Variants in DACH2 observed in about 807,000 individuals in gnomAD.
DACH2 encodes the protein dachshund family transcription factor 2, also known as dachshund homolog 2.
Under a neutral mutation model 35.8 loss-of-function variants are expected in DACH2, and 17 were observed. The observed-to-expected ratio is 0.48, with a 90% CI of 0.33 to 0.71. DACH2 has a LOEUF of 0.71. Among genes scored for constraint, DACH2 ranks in the 30% least tolerant of loss-of-function variants. The pLI is 0.02. For missense variants in DACH2, 469 were observed against 472.7 expected, an observed-to-expected ratio of 0.99 and a Z score of 0.07; for synonymous variants, 195 against 177.3, an observed-to-expected ratio of 1.10 and a Z score of -0.79.
chrX:86,785,951 C>G (rs1003214541), intron 7 of DACH2, among the ~76,000 whole-genome samples: 5 of 111,444 alleles, frequency 4.5e-5, no homozygotes, highest in Non-Finnish European at 7.5e-5. Flanking sequence ...TTGATGATTC[C>G]TATCTCAGAA....
At chrX:86,706,940 TA>T (rs929721486) in intron 5 of DACH2, among the ~76,000 whole-genome samples, 1 of 108,656 alleles carries the variant, frequency 9.2e-6, no homozygotes, top group African/African-American at 3.3e-5. Flanking sequence ...CTTAGGAAAA[TA>T]AAAAGATAAA....
At chrX:86,187,065 A>T (rs1250319701) in intron 1 of DACH2, among the ~76,000 whole-genome samples, 1 of 112,088 alleles carries the variant, frequency 8.9e-6, no homozygotes, top group Non-Finnish European at 1.9e-5. Context: ...TTGCCATATA[A>T]CTCAGTTTTC....
intron 5 of DACH2, among the ~76,000 whole-genome samples, chrX:86,699,742 T>C (rs989364506): frequency 3.6e-5 from 4 of 111,920 alleles, no homozygotes; most frequent in African/African-American, 1.3e-4. Context: ...TCTTCTGACA[T>C]GTTTGGGGTT....
intron 3 of DACH2, among the ~76,000 whole-genome samples, chrX:86,618,382 G>GAAA (rs757837682): frequency 6.1e-4 from 68 of 112,071 alleles, no homozygotes; most frequent in Admixed American, 2.9e-3. Flanking sequence ...TAAAAGAATG[G>GAAA]AAAGAGTCAC....
intron 2 of DACH2, among the ~76,000 whole-genome samples, chrX:86,437,814 GT>G (rs989130575): frequency 5.6e-5 from 6 of 107,542 alleles, no homozygotes; most frequent in African/African-American, 2.0e-4. Flanking sequence ...ATTACTGGTA[GT>G]TTTTTTAGTT....
At chrX:86,257,788 T>C in intron 1 of DACH2, among the ~76,000 whole-genome samples, 1 of 112,234 alleles carries the variant, frequency 8.9e-6, no homozygotes. Context: ...CTAATGACAA[T>C]AACTATATAA....
At chrX:86,746,026 A>G (rs985903429) in intron 7 of DACH2, among the ~76,000 whole-genome samples, 8 of 111,787 alleles carry the variant, frequency 7.2e-5, no homozygotes, top group African/African-American at 2.6e-4. Flanking sequence ...GGCTATATGT[A>G]TGCCTTCTTT....
intron 2 of DACH2, among the ~76,000 whole-genome samples, chrX:86,397,588 T>C (rs1041349986): frequency 9.0e-6 from 1 of 111,561 alleles, no homozygotes; most frequent in African/African-American, 3.3e-5. Flanking sequence ...TTACTGAGAG[T>C]GTTTAGCATG....
chrX:86,349,440 G>T (rs1394041325), intron 1 of DACH2, among the ~76,000 whole-genome samples: 1 of 111,650 alleles, frequency 9.0e-6, no homozygotes, highest in African/African-American at 3.3e-5. Flanking sequence ...GGCAGGCCAG[G>T]GTTGTCTTGG....
At chrX:86,406,333 A>T (rs1335334919) in intron 2 of DACH2, among the ~76,000 whole-genome samples, 1 of 111,547 alleles carries the variant, frequency 9.0e-6, no homozygotes, top group East Asian at 2.8e-4. Context: ...ATGGGAGCTA[A>T]ATATTCAGTA....
intron 2 of DACH2, among the ~76,000 whole-genome samples, chrX:86,427,659 C>A (rs1033384311): frequency 3.6e-5 from 4 of 111,163 alleles, no homozygotes; most frequent in Non-Finnish European, 5.7e-5. Context: ...AAAAAGAATT[C>A]TTTTAACCAA....
At chrX:86,514,144 G>A (rs1257993353) in intron 2 of DACH2, 135 bp from the exon 3 acceptor site, 6 of 586,247 alleles carry the variant, frequency 1.0e-5, no homozygotes, top group African/African-American at 2.3e-5. Context: ...AGTAATCCAC[G>A]AAAATAGTCT....
intron 3 of DACH2, 137 bp from the exon 4 acceptor site, chrX:86,650,899 G>A (rs1278569528): frequency 3.9e-5 from 19 of 484,152 alleles, no homozygotes; most frequent in Non-Finnish European, 4.7e-5. Context: ...ATTTTACAAA[G>A]GATCATCCAT....
chrX:86,679,878 T>C (rs922004337), intron 4 of DACH2, among the ~76,000 whole-genome samples: 2 of 111,195 alleles, frequency 1.8e-5, no homozygotes, highest in Non-Finnish European at 3.8e-5. Flanking sequence ...TAAAATTTGG[T>C]AGGCTGTAGC....
chrX:86,513,109 CAG>C (rs1436796337), intron 2 of DACH2, among the ~76,000 whole-genome samples: 1 of 111,767 alleles, frequency 8.9e-6, no homozygotes, highest in Non-Finnish European at 1.9e-5. Flanking sequence ...CATTTAAAAG[CAG>C]AGTTTGTCTT....
At chrX:86,767,066 A>G (rs1184026656) in intron 7 of DACH2, among the ~76,000 whole-genome samples, 9 of 112,243 alleles carry the variant, frequency 8.0e-5, no homozygotes, top group African/African-American at 1.6e-4. Flanking sequence ...CTAAATAATC[A>G]GTTGTCTAAT....
intron 4 of DACH2, among the ~76,000 whole-genome samples, chrX:86,658,082 C>T (rs1044045197): frequency 9.0e-6 from 1 of 111,384 alleles, no homozygotes; most frequent in Admixed American, 9.6e-5. Flanking sequence ...CAGCAAAGTA[C>T]TATCTTCCTA....
Position 86,148,650 on chromosome X carries a change from T to C in DACH2, c.30T>C (p.Ser10=). The change falls in exon 1 of 12, where the codon TCT becomes TCC. Residue 10 remains serine, a synonymous_variant. Coordinates refer to ENST00000373125, the MANE Select transcript of DACH2 (RefSeq NM_053281.3). The part of the protein sequence containing the change: MAVSASPVI[S]ATSSGAGVPG... ...CTGTCTCCGCATCTCCAGTGATCTCTGCAACTTCCAGCGGCGCCGGCGTCC... is the reference window on the plus strand; with the variant it reads ...CTGTCTCCGCATCTCCAGTGATCTCCGCAACTTCCAGCGGCGCCGGCGTCC... 8.4e-7 allele frequency: 1 copy of C among 1,184,569 alleles called. No homozygotes were observed. The highest frequency in any genetic ancestry group is 1.1e-6 in the Non-Finnish European group (1 of 881,626).
intron 2 of DACH2, among the ~76,000 whole-genome samples, chrX:86,496,520 A>G (rs1223505036): frequency 3.6e-5 from 4 of 110,144 alleles, no homozygotes; most frequent in Non-Finnish European, 7.6e-5. Flanking sequence ...ACTTAATTCT[A>G]CCCATGTAAT....
Sources: allele counts gnomAD v4.1 joint callset (sites outside exome capture counted in the v4.1 genomes callset), GRCh38; gene constraint gnomAD v4.1.1; transcripts MANE v1.5; gene names NCBI Gene and HGNC (gene_info 2026-07-23, HGNC 2026-07-21).